EGFLAM: variants seen among roughly 807,000 people sequenced by gnomAD.
EGFLAM encodes the protein pikachurin.
A neutral mutation model predicts 113.1 loss-of-function variants in EGFLAM; 79 were observed. The ratio of observed to expected loss-of-function variants is 0.70; its 90% CI spans 0.58 to 0.84. The LOEUF (loss-of-function observed/expected upper bound fraction) is 0.84, where lower values mean the gene tolerates loss of function less well. Among genes scored for constraint, EGFLAM ranks in the 40% least tolerant of loss-of-function variants. The probability of loss-of-function intolerance (pLI) is 0.00; values close to 1 mark genes in which losing one functional copy is unlikely to be tolerated. For synonymous variants in EGFLAM, 504 were observed against 487.6 expected (o/e 1.03, Z -0.44); for missense variants, 1,265 against 1,291.6 (o/e 0.98, Z 0.32).
intron 1 of EGFLAM, among the ~76,000 whole-genome samples, chr5:38,324,968 T>C (rs982449135): frequency 6.6e-6 from 1 of 152,114 alleles, no homozygotes; most frequent in East Asian, 1.9e-4. Context: ...AAAAGAAAGA[T>C]GATGAATTCA....
intron 5 of EGFLAM, among the ~76,000 whole-genome samples, chr5:38,360,722 C>G (rs567875833): frequency 1.3e-5 from 2 of 152,158 alleles, no homozygotes; most frequent in Non-Finnish European, 1.5e-5. Context: ...TTAGTAAGTG[C>G]TCAATCAATG....
intron 1 of EGFLAM, among the ~76,000 whole-genome samples, chr5:38,288,691 C>T (rs1758231238): frequency 6.6e-6 from 1 of 152,144 alleles, no homozygotes. Context: ...TGCTAATTTT[C>T]TTGTGGTAAA....
At chr5:38,437,374 G>T (rs1055782936) in intron 16 of EGFLAM, among the ~76,000 whole-genome samples, 1 of 152,148 alleles carries the variant, frequency 6.6e-6, no homozygotes, top group African/African-American at 2.4e-5. Context: ...GACTGCTTGA[G>T]AACATTAGTT....
chr5:38,450,558 CACCCTTGATTCAAGG>C (rs146155149), intron 18 of EGFLAM, among the ~76,000 whole-genome samples: 26,849 of 152,190 alleles, frequency 0.18, 2,438 homozygotes, highest in African/African-American at 0.22. Flanking sequence ...CCTCCTATCT[CACCCTTGATTCAAGG>C]ACCTCAGCCT....
chr5:38,349,004 C>T (rs1351649869), intron 3 of EGFLAM, among the ~76,000 whole-genome samples: 1 of 152,080 alleles, frequency 6.6e-6, no homozygotes, highest in Non-Finnish European at 1.5e-5. Context: ...TTTAGATCAC[C>T]GAGTGATTCT....
intron 18 of EGFLAM, among the ~76,000 whole-genome samples, chr5:38,449,810 T>A (rs1742853358): frequency 6.6e-6 from 1 of 152,198 alleles, no homozygotes; most frequent in Non-Finnish European, 1.5e-5. Context: ...TTAAAATGCC[T>A]TACCCATGAG....
At chr5:38,318,494 A>G (rs1046730629) in intron 1 of EGFLAM, among the ~76,000 whole-genome samples, 2 of 151,738 alleles carry the variant, frequency 1.3e-5, no homozygotes, top group Admixed American at 6.6e-5. Context: ...TATACTCTCT[A>G]TACTATCTAG....
chr5:38,437,990 C>A (rs183187434), intron 16 of EGFLAM, among the ~76,000 whole-genome samples: 338 of 151,820 alleles, frequency 2.2e-3, no homozygotes, highest in Non-Finnish European at 4.2e-3. Context: ...GGCGTAGTGG[C>A]GGGTGCCTGT....
intron 1 of EGFLAM, among the ~76,000 whole-genome samples, chr5:38,337,066 T>C (rs949082022): frequency 6.6e-6 from 1 of 152,248 alleles, no homozygotes; most frequent in African/African-American, 2.4e-5. Flanking sequence ...TACATAACTA[T>C]ATTTTTTAAA....
chr5:38,453,162 G>A (rs1049137804), intron 19 of EGFLAM, among the ~76,000 whole-genome samples: 3 of 152,140 alleles, frequency 2.0e-5, no homozygotes, highest in South Asian at 2.1e-4. Flanking sequence ...CCAGCAATCC[G>A]TGTGGTAACC....
intron 1 of EGFLAM, among the ~76,000 whole-genome samples, chr5:38,300,894 C>T (rs1308411484): frequency 1.3e-5 from 2 of 152,028 alleles, no homozygotes; most frequent in African/African-American, 4.8e-5. Flanking sequence ...ATGAGTTATG[C>T]GTAAAAGAGG....
At chr5:38,343,310 G>A (rs925795456) in intron 3 of EGFLAM, among the ~76,000 whole-genome samples, 1 of 151,800 alleles carries the variant, frequency 6.6e-6, no homozygotes, top group Non-Finnish European at 1.5e-5. Context: ...GGAGTCTGAG[G>A]CAGGAGAATT....
intron 1 of EGFLAM, among the ~76,000 whole-genome samples, chr5:38,316,691 C>T (rs1399749079): frequency 6.6e-6 from 1 of 152,156 alleles, no homozygotes; most frequent in African/African-American, 2.4e-5. Context: ...CTTCCAAAGC[C>T]CATGTGCTCA....
At chr5:38,307,254 A>C (rs1758744202) in intron 1 of EGFLAM, among the ~76,000 whole-genome samples, 1 of 152,118 alleles carries the variant, frequency 6.6e-6, no homozygotes, top group Non-Finnish European at 1.5e-5. Context: ...TGGTATCTTG[A>C]TATGGTTTGA....
intron 6 of EGFLAM, among the ~76,000 whole-genome samples, chr5:38,380,681 C>T (rs1477700036): frequency 6.6e-6 from 1 of 152,192 alleles, no homozygotes. Flanking sequence ...TCAGGGTGTC[C>T]TCCATGGCAA....
intron 5 of EGFLAM, among the ~76,000 whole-genome samples, chr5:38,361,858 A>G (rs1739931634): frequency 6.6e-6 from 1 of 151,918 alleles, no homozygotes; most frequent in African/African-American, 2.4e-5. Flanking sequence ...AGTTGCAGAG[A>G]TGAACAGGTC....
intron 19 of EGFLAM, among the ~76,000 whole-genome samples, chr5:38,453,565 TGGCAGGTGAGA>T (rs1194281367): frequency 6.6e-6 from 1 of 152,212 alleles, no homozygotes; most frequent in Admixed American, 6.5e-5. Flanking sequence ...GGCTGGATGC[TGGCAGGTGAGA>T]GGCAGCTTCT....
At chr5:38,384,851 G>A (rs1164275856) in intron 6 of EGFLAM, among the ~76,000 whole-genome samples, 1 of 152,102 alleles carries the variant, frequency 6.6e-6, no homozygotes, top group Admixed American at 6.5e-5. Context: ...TCAACTGGGG[G>A]TGATTTTGGT....
At chr5:38,346,231 A>G (rs1261633557) in intron 3 of EGFLAM, among the ~76,000 whole-genome samples, 1 of 152,220 alleles carries the variant, frequency 6.6e-6, no homozygotes, top group East Asian at 1.9e-4. Context: ...GGTAACATTT[A>G]AATTTCTAAT....
Sources: allele counts gnomAD v4.1 joint callset (sites outside exome capture counted in the v4.1 genomes callset), GRCh38; gene constraint gnomAD v4.1.1; transcripts MANE v1.5; gene names NCBI Gene and HGNC (gene_info 2026-07-23, HGNC 2026-07-21).